The following CSGALNACT1 variants were observed in gnomAD, a reference collection of about 807,000 sequenced individuals.
The protein encoded by CSGALNACT1 is chondroitin sulfate N-acetylgalactosaminyltransferase 1, also known as beta4GalNAcT-1.
CSGALNACT1 carries 52 observed loss-of-function variants against 51.0 expected under a neutral mutation model. That is an observed-to-expected ratio of 1.02 (90% CI 0.82 to 1.29). The LOEUF (loss-of-function observed/expected upper bound fraction) is 1.29, where lower values mean the gene tolerates loss of function less well. Ranked by LOEUF, CSGALNACT1 falls within the 50% of genes most tolerant of loss-of-function variation. The pLI is 0.00. For synonymous variants in CSGALNACT1, 341 were observed against 254.4 expected, an observed-to-expected ratio of 1.34 and a Z score of -3.24; for missense variants, 935 against 679.2, an observed-to-expected ratio of 1.38 and a Z score of -4.19.
chr8:19,456,759 T>C (rs1189701062), intron 5 of CSGALNACT1, among the ~76,000 whole-genome samples: 3 of 152,214 alleles, frequency 2.0e-5, no homozygotes, highest in Non-Finnish European at 2.9e-5. Context: ...CACTCTACTT[T>C]GGATTACATC....
At chr8:19,754,821 T>C (rs1475100023) in intron 1 of CSGALNACT1, among the ~76,000 whole-genome samples, 1 of 152,220 alleles carries the variant, frequency 6.6e-6, no homozygotes, top group East Asian at 1.9e-4. Flanking sequence ...AGAGGTCCCC[T>C]AGTGGCGAAG....
At chr8:19,466,584 T>C (rs34859278) in intron 4 of CSGALNACT1, among the ~76,000 whole-genome samples, 25,943 of 152,142 alleles carry the variant, frequency 0.17, 2,434 homozygotes, top group African/African-American at 0.24. Context: ...CATTCCCAGA[T>C]CACATGAGAT....
chr8:19,435,327 T>C (rs1359925259), intron 6 of CSGALNACT1, among the ~76,000 whole-genome samples: 1 of 151,974 alleles, frequency 6.6e-6, no homozygotes, highest in Non-Finnish European at 1.5e-5. Context: ...ACCCCATCTC[T>C]TCTAAAAATA....
rs1328483118 is a variant in CSGALNACT1, at chr8:19,433,378, A to G, written c.953+6452T>C. ...GGGTTTTAAGTAGGAGCATAGCCCT[A>G]GAGAGGTACATGGTCCTTAGGTTTT... On this transcript the variant is annotated intron_variant, in intron 6 of 9. Coordinates refer to ENST00000454498, the Ensembl canonical transcript of CSGALNACT1. 2.6e-5 allele frequency among the ~76,000 whole-genome samples: 4 copies of G among 152,218 alleles called. No individual in the cohort carries two copies. The East Asian group carries it at 7.7e-4, about 29-fold the overall frequency.
At chr8:19,601,931 A>G (rs2050516608) in intron 1 of CSGALNACT1, 66 bp from the exon 2 acceptor site, 1 of 449,236 alleles carries the variant, frequency 2.2e-6, no homozygotes, top group African/African-American at 2.0e-5. Flanking sequence ...ATGTGGTATT[A>G]CAAAATGGGA....
intron 1 of CSGALNACT1, among the ~76,000 whole-genome samples, chr8:19,619,858 G>A (rs1382874431): frequency 1.3e-5 from 2 of 152,198 alleles, no homozygotes; most frequent in African/African-American, 2.4e-5. Context: ...ACAAGAGGCA[G>A]TATAATGCAG....
At chr8:19,662,997 GA>G (rs1303424810) in intron 1 of CSGALNACT1, among the ~76,000 whole-genome samples, 1 of 152,134 alleles carries the variant, frequency 6.6e-6, no homozygotes, top group Admixed American at 6.5e-5. Flanking sequence ...AGGAAAGGGG[GA>G]AAAAAGTGCT....
chr8:19,466,726 A>G lies in CSGALNACT1; in HGVS notation c.635-8084T>C, dbSNP rs1037985984. The stretch of plus-strand genomic sequence containing the variant: ...CACATGCTCAGACGCTAGAAGGCAA[A>G]TCACTCACCCCATGAAATGCAACAG... On this transcript the variant is annotated intron_variant, in intron 4 of 9. Coordinates refer to ENST00000454498, the Ensembl canonical transcript of CSGALNACT1. Among the ~76,000 whole-genome samples the G allele has an allele frequency of 3.3e-5, 5 of 152,152 alleles. 1 individual carries two copies. The South Asian group carries it at 1.0e-3, about 32-fold the overall frequency.
At chr8:19,684,647 C>T (rs139748053), upstream of CSGALNACT1, among the ~76,000 whole-genome samples, 637 of 152,128 alleles carry the variant, frequency 4.2e-3, 2 homozygotes, top group African/African-American at 0.015. Flanking sequence ...CCTGGGAGGC[C>T]AAAGAAGCTT....
chr8:19,741,646 C>A (rs2064328107), intron 1 of CSGALNACT1, among the ~76,000 whole-genome samples: 1 of 151,662 alleles, frequency 6.6e-6, no homozygotes, highest in Admixed American at 6.6e-5. Flanking sequence ...GACCAAGGCT[C>A]CATGAACTAT....
chr8:19,613,179 C>G (rs2052535778), intron 1 of CSGALNACT1, among the ~76,000 whole-genome samples: 1 of 152,118 alleles, frequency 6.6e-6, no homozygotes, highest in African/African-American at 2.4e-5. Flanking sequence ...TTCTATAATT[C>G]TACCTATATG....
At chr8:19,424,779 G>C (rs1187905087) in intron 6 of CSGALNACT1, among the ~76,000 whole-genome samples, 1 of 152,184 alleles carries the variant, frequency 6.6e-6, no homozygotes, top group East Asian at 1.9e-4. Flanking sequence ...CAAACACAAT[G>C]ACACACTTCA....
intron 6 of CSGALNACT1, among the ~76,000 whole-genome samples, chr8:19,424,532 C>T (rs2058476557): frequency 6.6e-6 from 1 of 152,132 alleles, no homozygotes; most frequent in African/African-American, 2.4e-5. Context: ...CTGTCTTTGC[C>T]AAACCTCCTG....
chr8:19,415,522 G>C (rs1219349491), intron 8 of CSGALNACT1, among the ~76,000 whole-genome samples: 1 of 152,202 alleles, frequency 6.6e-6, no homozygotes, highest in Non-Finnish European at 1.5e-5. Context: ...GGGAATCTGA[G>C]TGGTTTCTGC....
chr8:19,407,000 C>T (rs1009864870), intron 9 of CSGALNACT1, among the ~76,000 whole-genome samples: 12 of 152,178 alleles, frequency 7.9e-5, no homozygotes, highest in Non-Finnish European at 1.2e-4. Flanking sequence ...TGAGCCACCA[C>T]GCTCGGCCTA....
rs375633259 is a variant in CSGALNACT1, at chr8:19,666,809, AAGAGAGAGAGAGAGAGAGAGAG to A, written c.-544+15642_-544+15663del. Among the ~76,000 whole-genome samples the A allele has an allele frequency of 2.6e-3, 66 of 25,062 alleles. 4 individuals are homozygous for A. The highest frequency in any genetic ancestry group is 7.2e-3 in the South Asian group (5 of 694). 16.4% of individuals were successfully genotyped at this position (25,062 alleles called of 152,430 possible). A position where few individuals can be genotyped will look rare whatever the true frequency, so the allele number is the denominator to read the frequency against. Reference sequence around the variant, plus strand: ...AAAGAAAGAAAGAAAGAAAGAAAGAAAGAGAGAGAGAGAGAGAGAGAGAGAAAGAAAGAAAGAAAGAAAGAAA... The same window carrying A: ...AAAGAAAGAAAGAAAGAAAGAAAGAAAGAAAGAAAGAAAGAAAGAAAGAAA... On this transcript the variant is annotated intron_variant, in intron 1 of 9. Coordinates refer to the CSGALNACT1 transcript ENST00000332246.
chr8:19,411,535 C>A (rs1377472952), intron 8 of CSGALNACT1, among the ~76,000 whole-genome samples: 1 of 152,158 alleles, frequency 6.6e-6, no homozygotes, highest in Non-Finnish European at 1.5e-5. Context: ...AGCAAGTGGC[C>A]CAGCAAAGGC....
intron 1 of CSGALNACT1, among the ~76,000 whole-genome samples, chr8:19,744,709 G>C (rs2064539346): frequency 6.6e-6 from 1 of 152,152 alleles, no homozygotes; most frequent in East Asian, 1.9e-4. Context: ...GTTTCTCCAA[G>C]GTCAGATTTA....
At chr8:19,600,483 G>A (rs531727283) in intron 2 of CSGALNACT1, among the ~76,000 whole-genome samples, 1 of 152,178 alleles carries the variant, frequency 6.6e-6, no homozygotes, top group Admixed American at 6.5e-5. Context: ...GCTCTCTTTT[G>A]TATCATCCAA....
Sources: gnomAD v4.1 joint callset for allele counts (sites outside exome capture counted in the v4.1 genomes callset) on GRCh38, gnomAD v4.1.1 for gene constraint, MANE v1.5 for transcripts, NCBI Gene and HGNC (gene_info 2026-07-23, HGNC 2026-07-21) for gene names.